Variants in SCN2A observed in about 807,000 individuals in gnomAD.
The protein encoded by SCN2A is sodium channel protein type 2 subunit alpha.
A neutral mutation model predicts 188.7 loss-of-function variants in SCN2A; 20 were observed. That is an observed-to-expected ratio of 0.11 (90% CI 0.07 to 0.15). The LOEUF is 0.15. Ranked by LOEUF, SCN2A falls within the 10% of genes least tolerant of loss-of-function variation. SCN2A has a pLI of 1.00. For synonymous variants in SCN2A, 804 were observed against 833.1 expected (o/e 0.97, Z 0.60); for missense variants, 1,278 against 2,445.0 (o/e 0.52, Z 10.07).
intron 1 of SCN2A, among the ~76,000 whole-genome samples, chr2:165,262,851 G>A (rs1011349199): frequency 9.2e-5 from 14 of 152,050 alleles, no homozygotes; most frequent in African/African-American, 3.4e-4. Context: ...GGTTGTACTA[G>A]TTTATATTCC....
At chr2:165,291,495 C>CTTTCTTTCTTTCTTTCTT (rs1696166701) in intron 1 of SCN2A, among the ~76,000 whole-genome samples, 2 of 44,322 alleles carry the variant, frequency 4.5e-5, no homozygotes, top group East Asian at 5.6e-4. Context: ...TCTTTCTTTT[C>CTTTCTTTCTTTCTTTCTT]TTTCTTTCTT....
At chr2:165,250,391 G>GA (rs1694032470) in intron 1 of SCN2A, among the ~76,000 whole-genome samples, 1 of 151,654 alleles carries the variant, frequency 6.6e-6, no homozygotes, top group Non-Finnish European at 1.5e-5. Context: ...AGACTTTATG[G>GA]TGATTTGTAA....
rs376201780 is a variant in SCN2A at position 165,354,148 on chromosome 2, G to A, written c.2920-44G>A. ...AAACTAATGATGGAAAGCAATTGAA[G>A]CAATAGAATGTTTTGATCACCTGTT... On this transcript the variant is annotated intron_variant, in intron 16 of 26. Coordinates refer to ENST00000375437, the MANE Select transcript of SCN2A (RefSeq NM_001040142.2). 6 of 1,611,476 alleles carry A rather than the reference G, an allele frequency of 3.7e-6. No homozygotes were observed. The African/African-American group carries it at 4.0e-5, about 11-fold the overall frequency.
At chr2:165,327,467 A>T in intron 13 of SCN2A, 1 of 182,172 alleles carries the variant, frequency 5.5e-6, no homozygotes, top group South Asian at 1.1e-4. Flanking sequence ...TTCTCTGACC[A>T]GATTCTTACA....
At position 165,246,113 on chromosome 2, in the gene SCN2A, A is replaced by T. The variant is rs1209682830; in HGVS notation, c.-52+6473A>T. Among the ~76,000 whole-genome samples, 6 of 152,096 alleles carry T rather than the reference A, an allele frequency of 3.9e-5. No individual in the cohort carries two copies. The South Asian group carries it at 1.0e-3, about 26-fold the overall frequency. ...CCTAGACTCACAGCATCATAAATCT[A>T]TTCAAATATAAAAGCAAAAGCAGGA... On this transcript the variant is annotated intron_variant, in intron 1 of 26. Transcript: ENST00000375437.
chr2:165,386,820 C>T lies in SCN2A; in HGVS notation c.4626C>T (p.Cys1542=), dbSNP rs1553463046. 4 of 1,613,806 alleles carry T rather than the reference C, an allele frequency of 2.5e-6. No individual in the cohort carries two copies. Among genetic ancestry groups the T allele is most frequent in the Non-Finnish European group, 1.7e-6 (2 of 1,179,862 alleles). Residue 1542 remains cysteine (C), a synonymous_variant, in exon 26 of 27, where the codon TGC becomes TGT. Transcript: ENST00000375437. ...ATATCAGCATCATGATCCTCATCTG[C>T]CTTAACATGGTCACCATGATGGTGG... The part of the protein sequence containing the change: ...VFDISIMILI[C]LNMVTMMVET...
rs946797750 is a variant in SCN2A, at chr2:165,252,165, G to T, written c.-52+12525G>T. Among the ~76,000 whole-genome samples, 4 of 152,068 alleles carry T rather than the reference G, an allele frequency of 2.6e-5. No individual in the cohort carries two copies. The East Asian group carries it at 7.7e-4, about 29-fold the overall frequency. On this transcript the variant is annotated intron_variant, in intron 1 of 26. Coordinates refer to ENST00000375437, the MANE Select transcript of SCN2A (RefSeq NM_001040142.2). ...AATAGAAGCAAGTCAGGAAAACTTA[G>T]TTCACAGGTAATAAAACTAGACACA...
intron 1 of SCN2A, among the ~76,000 whole-genome samples, 173 bp from the exon 2 acceptor site, chr2:165,295,600 G>T (rs1304567630): frequency 1.3e-5 from 2 of 152,128 alleles, no homozygotes; most frequent in Non-Finnish European, 2.9e-5. Flanking sequence ...AGATCTCCAT[G>T]TGAGCAAATG....
rs139899756 is a variant in SCN2A at position 165,389,558 on chromosome 2, C to T, written c.5752C>T (p.Arg1918Cys). ...TATTATTATCCAGAGGGCTTACAGA[C>T]GCTACCTCTTGAAGCAAAAAGTTAA... ...SAIIIQRAYR[R>C]YLLKQKVKKV... is the part of the protein sequence containing the mutation. Residue 1918 changes from arginine (R) to cysteine (C), a missense_variant, in exon 27 of 27, where the codon CGC becomes TGC. By Grantham distance (180) the Arg-to-Cys change is radical (BLOSUM62 -3). Around this residue, in one of 17 missense-constraint regions of SCN2A, gnomAD observed 109 missense variants for 137.9 expected, o/e 0.79. Transcript: ENST00000375437. This position sits in a 1 kb window ranked among gnomAD's most constrained non-coding sequence, Gnocchi z 4.2. 9.9e-5 allele frequency: 159 copies of T among 1,613,734 alleles called. No individual in the cohort carries two copies. Among genetic ancestry groups the T allele is most frequent in the Non-Finnish European group, 1.2e-4 (146 of 1,179,944 alleles).
At chr2:165,363,440 C>T (rs66611313) in intron 17 of SCN2A, among the ~76,000 whole-genome samples, 25,292 of 151,996 alleles carry the variant, frequency 0.17, 2,291 homozygotes, top group African/African-American at 0.23. Flanking sequence ...TTCAGTTTTT[C>T]TGATTACCTG....
chr2:165,357,065 G>A (rs1007404152), intron 17 of SCN2A, among the ~76,000 whole-genome samples: 3 of 152,082 alleles, frequency 2.0e-5, no homozygotes, highest in Non-Finnish European at 4.4e-5. Flanking sequence ...ATTATTTGGA[G>A]GGGTTTTTAA....
At chr2:165,273,951 T>A (rs1695215661) in intron 1 of SCN2A, 1 of 152,158 alleles carries the variant, frequency 6.6e-6, no homozygotes. Context: ...CATTTGTAGA[T>A]TAAACTGGTG....
intron 15 of SCN2A, among the ~76,000 whole-genome samples, chr2:165,343,509 C>G (rs2105316845): frequency 6.6e-6 from 1 of 152,234 alleles, no homozygotes; most frequent in Admixed American, 6.5e-5. Context: ...CATAGTATCA[C>G]TAGAATCTTA....
At chr2:165,355,482 C>T (rs577992392) in intron 17 of SCN2A, among the ~76,000 whole-genome samples, 2 of 152,168 alleles carry the variant, frequency 1.3e-5, no homozygotes, top group Admixed American at 1.3e-4. Context: ...AATTTAAAAC[C>T]TTGATATTTA....
chr2:165,331,638 G>T (rs1698680427), intron 14 of SCN2A, 70 bp downstream of exon 14: 1 of 1,196,648 alleles, frequency 8.4e-7, no homozygotes, highest in Non-Finnish European at 1.2e-6. Flanking sequence ...TTTACATATT[G>T]CTCTCAAATT....
At chr2:165,278,279 C>G (rs1695431952) in intron 1 of SCN2A, among the ~76,000 whole-genome samples, 1 of 152,130 alleles carries the variant, frequency 6.6e-6, no homozygotes, top group African/African-American at 2.4e-5. Flanking sequence ...AAAGAACTGC[C>G]TGAGACTGGA....
intron 14 of SCN2A, among the ~76,000 whole-genome samples, chr2:165,335,897 A>C (rs949784447): frequency 1.3e-5 from 2 of 151,898 alleles, no homozygotes; most frequent in African/African-American, 2.4e-5. Context: ...ATAACTCCAC[A>C]ACAAATAAAA....
At position 165,373,355 on chromosome 2, in the gene SCN2A, T is replaced by A. The variant is rs370314217; in HGVS notation, c.3972+8T>A. 1.9e-6 allele frequency: 3 copies of A among 1,613,028 alleles called. No individual in the cohort carries two copies. Among genetic ancestry groups the A allele is most frequent in the Non-Finnish European group, 1.7e-6 (2 of 1,179,228 alleles). On this transcript the variant is annotated splice_region_variant and intron_variant, in intron 21 of 26. Transcript: ENST00000375437. ...CGGTTTGAAGGAATGAGGGTAAGACTGAATGCCTTAGAGTTTGTCAGAATT... is the reference window on the plus strand; with the variant it reads ...CGGTTTGAAGGAATGAGGGTAAGACAGAATGCCTTAGAGTTTGTCAGAATT...
intron 1 of SCN2A, among the ~76,000 whole-genome samples, chr2:165,250,545 A>T (rs1056766054): frequency 6.6e-6 from 1 of 151,530 alleles, no homozygotes; most frequent in African/African-American, 2.4e-5. Context: ...ACACAAAAAA[A>T]ATCTCTATTT....
Sources: allele counts gnomAD v4.1 joint callset (sites outside exome capture counted in the v4.1 genomes callset), GRCh38; gene constraint gnomAD v4.1.1; regional missense constraint gnomAD v4.1.1; non-coding constraint Gnocchi (gnomAD v3.1); transcripts MANE v1.5; gene names NCBI Gene and HGNC (gene_info 2026-07-23, HGNC 2026-07-21).